Variants in CRISPLD2 observed in about 807,000 individuals in gnomAD.
CRISPLD2 encodes cysteine-rich secretory protein LCCL domain-containing 2.
CRISPLD2 carries 47 observed loss-of-function variants against 71.1 expected under a neutral mutation model. The ratio of observed to expected loss-of-function variants is 0.66; its 90% CI spans 0.52 to 0.84. The LOEUF is 0.84. CRISPLD2 is among the 40% of genes least tolerant of loss of function. The pLI is 0.00. For missense variants in CRISPLD2, 830 were observed against 651.1 expected, an observed-to-expected ratio of 1.27 and a Z score of -2.99; for synonymous variants, 317 against 250.1, an observed-to-expected ratio of 1.27 and a Z score of -2.52.
At chr16:84,859,222 C>T (rs1206636118) in intron 6 of CRISPLD2, among the ~76,000 whole-genome samples, 1 of 152,158 alleles carries the variant, frequency 6.6e-6, no homozygotes, top group Non-Finnish European at 1.5e-5. Context: ...TGCATTCTGA[C>T]ACTGGGGAAG....
At chr16:84,903,615 GC>G (rs1238929800) in intron 14 of CRISPLD2, among the ~76,000 whole-genome samples, 1 of 146,496 alleles carries the variant, frequency 6.8e-6, no homozygotes, top group Admixed American at 6.8e-5. Context: ...AAAAAAAAAA[GC>G]CCAAAGAGAC....
At chr16:84,902,073 A>G (rs965295044) in intron 14 of CRISPLD2, among the ~76,000 whole-genome samples, 5 of 151,912 alleles carry the variant, frequency 3.3e-5, no homozygotes, top group African/African-American at 1.2e-4. Flanking sequence ...TGCTGGGATG[A>G]CAGGCGTGAG....
intron 6 of CRISPLD2, among the ~76,000 whole-genome samples, chr16:84,866,326 C>T (rs768431954): frequency 2.6e-5 from 4 of 151,978 alleles, no homozygotes; most frequent in Non-Finnish European, 5.9e-5. Flanking sequence ...CTCCACCTAC[C>T]GGCTTCAAGC....
intron 6 of CRISPLD2, among the ~76,000 whole-genome samples, chr16:84,857,998 A>G (rs1011767720): frequency 1.3e-5 from 2 of 152,212 alleles, no homozygotes; most frequent in African/African-American, 4.8e-5. Flanking sequence ...TTGATGACCC[A>G]TAGTCAAACG....
At chr16:84,845,965 G>T (rs1242858431) in intron 3 of CRISPLD2, 61 bp downstream of exon 3, 5 of 1,063,924 alleles carry the variant, frequency 4.7e-6, no homozygotes, top group African/African-American at 1.6e-5. Context: ...GCCGGGCTCA[G>T]CACTTGTGCC....
chr16:84,873,255 A>T (rs1420769441), intron 10 of CRISPLD2, 133 bp downstream of exon 10: 1 of 1,009,132 alleles, frequency 9.9e-7, no homozygotes, highest in Non-Finnish European at 1.4e-6. Context: ...AGGCAGGTGG[A>T]TCACCTGAGG....
chr16:84,863,997 A>AAAAAAG (rs1555562676), intron 6 of CRISPLD2, among the ~76,000 whole-genome samples: 3 of 145,920 alleles, frequency 2.1e-5, no homozygotes, highest in African/African-American at 7.7e-5. Context: ...AGAGAGAAAA[A>AAAAAAG]AAAAGAAAAG....
chr16:84,822,743 G>T (rs1916259327), intron 1 of CRISPLD2, among the ~76,000 whole-genome samples: 1 of 152,170 alleles, frequency 6.6e-6, no homozygotes, highest in Non-Finnish European at 1.5e-5. Context: ...AAAGCACGTT[G>T]TAAAGTCTTA....
chr16:84,859,300 A>T (rs1407835238), intron 6 of CRISPLD2, among the ~76,000 whole-genome samples: 1 of 151,990 alleles, frequency 6.6e-6, no homozygotes, highest in Non-Finnish European at 1.5e-5. Context: ...TAATTACCTG[A>T]CCTCCATAAG....
At chr16:84,872,607 A>T (rs1391797575) in intron 9 of CRISPLD2, 99 bp downstream of exon 9, 1 of 1,054,700 alleles carries the variant, frequency 9.5e-7, no homozygotes, top group African/African-American at 1.6e-5. Flanking sequence ...TTTTCTTTCC[A>T]CTCCTTAGTC....
At chr16:84,880,772 C>A (rs922893607) in intron 13 of CRISPLD2, 188 bp downstream of exon 13, 4 of 459,200 alleles carry the variant, frequency 8.7e-6, no homozygotes, top group African/African-American at 5.8e-5. Flanking sequence ...GTGGAGTAAT[C>A]TTGGCCCACT....
intron 14 of CRISPLD2, among the ~76,000 whole-genome samples, chr16:84,900,508 C>G (rs930735898): frequency 6.6e-6 from 1 of 151,822 alleles, no homozygotes; most frequent in Admixed American, 6.6e-5. Flanking sequence ...TTCTATTGGT[C>G]AAGAACCAAA....
intron 14 of CRISPLD2, among the ~76,000 whole-genome samples, chr16:84,893,604 C>T (rs960299921): frequency 3.9e-5 from 6 of 152,182 alleles, no homozygotes; most frequent in African/African-American, 1.4e-4. Context: ...GCAGAAATGA[C>T]AATGCCAGCA....
chr16:84,901,003 TG>T (rs1481628819), intron 14 of CRISPLD2, among the ~76,000 whole-genome samples: 5 of 140,352 alleles, frequency 3.6e-5, no homozygotes, highest in Admixed American at 7.4e-5. Flanking sequence ...TGAATCATGA[TG>T]GTGTCACTGC....
At chr16:84,830,555 T>C (rs1054014989) in intron 1 of CRISPLD2, among the ~76,000 whole-genome samples, 4 of 152,080 alleles carry the variant, frequency 2.6e-5, no homozygotes, top group Admixed American at 6.5e-5. Context: ...ATACAAAAAT[T>C]AGCCAGGCGT....
chr16:84,827,953 G>A (rs923458920), intron 1 of CRISPLD2, among the ~76,000 whole-genome samples: 4 of 152,118 alleles, frequency 2.6e-5, no homozygotes, highest in Non-Finnish European at 1.5e-5. Flanking sequence ...GTTCATCTTC[G>A]CCATCCGTGT....
chr16:84,849,179 C>A, intron 3 of CRISPLD2: 1 of 558,440 alleles, frequency 1.8e-6, no homozygotes, highest in Non-Finnish European at 3.2e-6. Context: ...CTCCCTCCCT[C>A]CTCGCTGCCC....
At chr16:84,849,137 G>C (rs558221808) in intron 3 of CRISPLD2, 3 of 496,402 alleles carry the variant, frequency 6.0e-6, no homozygotes, top group African/African-American at 3.9e-5. Context: ...ACCAGGTGCT[G>C]CTGGAATTGA....
At chr16:84,880,098 C>G (rs2071555290) in intron 12 of CRISPLD2, among the ~76,000 whole-genome samples, 1 of 152,166 alleles carries the variant, frequency 6.6e-6, no homozygotes, top group Admixed American at 6.5e-5. Context: ...CCACCCTTTC[C>G]TCCTCCACAC....
Sources: allele counts gnomAD v4.1 joint callset (sites outside exome capture counted in the v4.1 genomes callset), GRCh38; gene constraint gnomAD v4.1.1; transcripts MANE v1.5; gene names NCBI Gene and HGNC (gene_info 2026-07-23, HGNC 2026-07-21).